The following ACTL6A variants were observed in gnomAD, a reference collection of about 807,000 sequenced individuals.
ACTL6A encodes the protein actin-like protein 6A.
ACTL6A carries 5 observed loss-of-function variants against 59.2 expected under a neutral mutation model. That is an observed-to-expected ratio of 0.08 (90% CI 0.04 to 0.18). The LOEUF is 0.18. Among genes scored for constraint, ACTL6A ranks in the 10% least tolerant of loss-of-function variants. ACTL6A has a pLI of 1.00. For synonymous variants in ACTL6A, 154 were observed against 171.8 expected (o/e 0.90, Z 0.81); for missense variants, 285 against 526.9 (o/e 0.54, Z 4.49).
Position 179,570,421 on chromosome 3 carries a change from A to C in ACTL6A, c.277+180A>C. The C allele has an allele frequency of 1.7e-6, 1 of 573,244 alleles. No individual in the cohort carries two copies. The highest frequency in any genetic ancestry group is 3.1e-5 in the East Asian group (1 of 31,998). The allele number at this position is 573,244 out of a possible 1,614,324, so 35.5% of individuals were successfully genotyped here. A position where few individuals can be genotyped will look rare whatever the true frequency, so the allele number is the denominator to read the frequency against. ...AGATGCATAAGAAATGTTCCTTTTC[A>C]TTAAAAGCTTACAGTTAGTTGGGGG... On this transcript the variant is annotated intron_variant, in intron 3 of 13. Transcript: ENST00000429709. The surrounding 1 kb of genome is among the most constrained non-coding windows in gnomAD (Gnocchi z 4.3).
chr3:179,583,353 G>A lies in ACTL6A; in HGVS notation c.1027G>A (p.Gly343Ser). 6.2e-7 allele frequency: 1 copy of A among 1,606,686 alleles called. No individual in the cohort carries two copies. Among genetic ancestry groups the A allele is most frequent in the Non-Finnish European group, 8.5e-7 (1 of 1,175,378 alleles). The change falls in exon 12 of 14, where the codon GGT (glycine) becomes AGT (serine). Residue 343 changes from glycine to serine, a missense_variant and splice_region_variant. By Grantham distance (56) the Gly-to-Ser change is moderately conservative. Transcript: ENST00000429709. ...VGMCDIDIRP[G>S]LYGSVIVAGG... is the part of the protein sequence containing the mutation. ...GATTTTTCTTGTATTTTTATCCTAG[G>A]GTCTCTATGGCAGTGTAATAGTGGC...
intron 1 of ACTL6A, 98 bp downstream of exon 1, chr3:179,563,215 T>C: frequency 7.0e-7 from 1 of 1,427,680 alleles, no homozygotes; most frequent in Admixed American, 2.1e-5. Context: ...TCCCTTCCGG[T>C]CTCCCCCTCT....
At chr3:179,585,822 T>A (rs568095044) in intron 12 of ACTL6A, among the ~76,000 whole-genome samples, 108 of 152,126 alleles carry the variant, frequency 7.1e-4, no homozygotes, top group Non-Finnish European at 1.1e-3. Context: ...GCAATAAAAT[T>A]GTGTTATCAA....
At position 179,580,933 on chromosome 3, in the gene ACTL6A, C is replaced by A; in HGVS notation, c.870C>A (p.Pro290=). The A allele has an allele frequency of 6.3e-7, 1 of 1,586,358 alleles. No homozygotes were observed. Among genetic ancestry groups the A allele is most frequent in the Non-Finnish European group, 8.5e-7 (1 of 1,173,754 alleles). Residue 290 remains proline, a synonymous_variant, in exon 10 of 14, where the codon CCC becomes CCA. Coordinates refer to ENST00000429709, the MANE Select transcript of ACTL6A (RefSeq NM_004301.5). ...TGCCAACTGTTCATTATGAATTCCCCAATGGCTACAATTGTGATTTTGGTG... is the reference window on the plus strand; with the variant it reads ...TGCCAACTGTTCATTATGAATTCCCAAATGGCTACAATTGTGATTTTGGTG... ...AQMPTVHYEF[P]NGYNCDFGAE...
chr3:179,566,723 T>G (rs1281571347), intron 1 of ACTL6A, among the ~76,000 whole-genome samples: 2 of 152,168 alleles, frequency 1.3e-5, no homozygotes, highest in Non-Finnish European at 2.9e-5. Context: ...TGAGACTTGC[T>G]CTGTCACCCA....
At chr3:179,563,243 C>A in intron 1 of ACTL6A, 126 bp downstream of exon 1, 2 of 1,432,622 alleles carry the variant, frequency 1.4e-6, no homozygotes, top group Non-Finnish European at 1.9e-6. Context: ...CCGGCCTCCC[C>A]GCCCCGTCCC....
chr3:179,563,215 T>TCTCCCCCTCTCGGGACCCCGGC, intron 1 of ACTL6A, 98 bp downstream of exon 1: 2 of 1,427,680 alleles, frequency 1.4e-6, no homozygotes, highest in Non-Finnish European at 1.9e-6. Flanking sequence ...TCCCTTCCGG[T>TCTCCCCCTCTCGGGACCCCGGC]CTCCCCCTCT....
chr3:179,563,249 G>T (rs1576845443), intron 1 of ACTL6A, 132 bp downstream of exon 1: 1 of 1,284,570 alleles, frequency 7.8e-7, no homozygotes, highest in Admixed American at 2.5e-5. Context: ...TCCCCGCCCC[G>T]TCCCCGCCCC....
intron 1 of ACTL6A, 156 bp downstream of exon 1, chr3:179,563,273 C>T: frequency 4.7e-6 from 6 of 1,278,030 alleles, no homozygotes; most frequent in South Asian, 3.0e-5. Context: ...CTCTGCCCGC[C>T]CCCGGAGCCC....
chr3:179,583,838 T>G (rs549922908), intron 12 of ACTL6A: 1 of 154,922 alleles, frequency 6.5e-6, no homozygotes, highest in East Asian at 1.9e-4. Flanking sequence ...TATCAGAGGA[T>G]AGCCTCCTGA....
chr3:179,586,489 ATTTTCT>A, intron 12 of ACTL6A, 51 bp from the exon 13 acceptor site: 6 of 1,221,240 alleles, frequency 4.9e-6, no homozygotes, highest in East Asian at 2.8e-5. Context: ...AAAAAAAAGA[ATTTTCT>A]AAGTTGAGTC....
chr3:179,576,310 A>G lies in ACTL6A; in HGVS notation c.570A>G (p.Gln190=). ...IPVHDGYVLQ[Q]GIVKSPLAGD... ...TCCACGATGGCTATGTCCTTCAACA[A>G]GGTAAATGTATTTAACCAGGATACA... is the stretch of plus-strand genomic sequence containing the variant. The change falls in exon 6 of 14, where the codon CAA becomes CAG. Residue 190 remains glutamine (Q), a splice_region_variant and synonymous_variant. Coordinates refer to ENST00000429709, the MANE Select transcript of ACTL6A (RefSeq NM_004301.5). The G allele has an allele frequency of 6.3e-7, 1 of 1,589,752 alleles. No homozygotes were observed. Among genetic ancestry groups the G allele is most frequent in the Non-Finnish European group, 8.5e-7 (1 of 1,171,624 alleles).
At chr3:179,574,598 T>C in intron 5 of ACTL6A, 131 bp downstream of exon 5, 1 of 702,436 alleles carries the variant, frequency 1.4e-6, no homozygotes. Flanking sequence ...CTCTTGCTTT[T>C]TAGCTATTCA....
chr3:179,573,183 G>T (rs554531165), intron 3 of ACTL6A, 186 bp from the exon 4 acceptor site: 1 of 450,852 alleles, frequency 2.2e-6, no homozygotes, highest in Admixed American at 4.4e-5. Context: ...CCAAAAAGAA[G>T]TTCTATATAT....
chr3:179,581,832 T>C (rs927986706), intron 11 of ACTL6A, among the ~76,000 whole-genome samples: 12 of 152,196 alleles, frequency 7.9e-5, no homozygotes, highest in African/African-American at 2.7e-4. Flanking sequence ...ACTGAAACGA[T>C]GTACAGTAGG....
rs957952787 is a variant in ACTL6A, at chr3:179,574,689, A to T, written c.476+222A>T. Reference sequence around the variant, plus strand: ...AAATAACACTCAAATTCTGAGTGTTAAGACGTTTTTGTTTTTGTTTTTAAG... The same window carrying T: ...AAATAACACTCAAATTCTGAGTGTTTAGACGTTTTTGTTTTTGTTTTTAAG... On this transcript the variant is annotated intron_variant, in intron 5 of 13. Coordinates refer to ENST00000429709, the MANE Select transcript of ACTL6A (RefSeq NM_004301.5). The T allele has an allele frequency of 1.2e-5, 5 of 403,964 alleles. No homozygotes were observed. In the South Asian group the frequency reaches 1.3e-4, roughly 11 times the overall value. The allele number at this position is 403,964 out of a possible 1,614,324, so 25.0% of individuals were successfully genotyped here.
At chr3:179,579,380 TTA>T (rs747915726) in intron 8 of ACTL6A, among the ~76,000 whole-genome samples, 7 of 151,914 alleles carry the variant, frequency 4.6e-5, no homozygotes, top group Non-Finnish European at 1.0e-4. Context: ...AAGAGTAAAA[TTA>T]TATGAGTCAT....
rs908312211 is a variant in ACTL6A, at chr3:179,570,588, A to G, written c.277+347A>G. Among the ~76,000 whole-genome samples, 3 of 152,244 alleles carry G rather than the reference A, an allele frequency of 2.0e-5. No individual in the cohort carries two copies. Among genetic ancestry groups the G allele is most frequent in the Non-Finnish European group, 4.4e-5 (3 of 68,044 alleles). ...AGTGATGGTTTTCACAAAGGAGGTA[A>G]CATGATGAATCTTGATCAATGAGTA... On this transcript the variant is annotated intron_variant, in intron 3 of 13. Coordinates refer to ENST00000429709, the MANE Select transcript of ACTL6A (RefSeq NM_004301.5). The surrounding 1 kb of genome is among the most constrained non-coding windows in gnomAD (Gnocchi z 4.3).
Position 179,576,708 on chromosome 3 carries a change from A to C in ACTL6A, c.660A>C (p.Pro220=). 6.2e-7 allele frequency: 1 copy of C among 1,613,350 alleles called. No individual in the cohort carries two copies. Among genetic ancestry groups the C allele is most frequent in the Non-Finnish European group, 8.5e-7 (1 of 1,179,322 alleles). ...FQEMNIELVP[P]YMIASKEAVR... ...AAATGAATATTGAATTGGTTCCTCC[A>C]TATATGATTGCATCAAAAGTAAGTA... is the stretch of plus-strand genomic sequence containing the variant. The change falls in exon 7 of 14, where the codon CCA becomes CCC. Residue 220 remains proline (P), a synonymous_variant. Coordinates refer to ENST00000429709, the MANE Select transcript of ACTL6A (RefSeq NM_004301.5).
Sources: allele counts gnomAD v4.1 joint callset (sites outside exome capture counted in the v4.1 genomes callset), GRCh38; gene constraint gnomAD v4.1.1; non-coding constraint Gnocchi (gnomAD v3.1); transcripts MANE v1.5; gene names NCBI Gene and HGNC (gene_info 2026-07-23, HGNC 2026-07-21).